FYB1: variants seen among roughly 807,000 people sequenced by gnomAD.
FYB1 encodes the protein FYN binding protein 1, also known as FYN-binding protein 1.
FYB1 carries 41 observed loss-of-function variants against 94.1 expected under a neutral mutation model. The observed-to-expected ratio is 0.44, with a 90% CI of 0.34 to 0.57. The LOEUF is 0.57. Ranked by LOEUF, FYB1 falls within the 20% of genes least tolerant of loss-of-function variation. The pLI is 0.02. For synonymous variants in FYB1, 367 were observed against 353.2 expected (o/e 1.04, Z -0.44); for missense variants, 1,050 against 976.8 (o/e 1.07, Z -1.00).
intron 4 of FYB1, chr5:39,139,934 T>C (rs1742015309): frequency 6.6e-6 from 1 of 152,172 alleles, no homozygotes; most frequent in Admixed American, 6.6e-5. Flanking sequence ...GGATGGATTG[T>C]TTAGAGTACA....
chr5:39,171,517 A>G (rs1391148324), intron 2 of FYB1, among the ~76,000 whole-genome samples: 3 of 152,168 alleles, frequency 2.0e-5, no homozygotes, highest in Non-Finnish European at 4.4e-5. Flanking sequence ...TCTAATGCAC[A>G]CTGAAGTTTG....
chr5:39,122,497 G>A, intron 13 of FYB1, 95 bp from the exon 14 acceptor site: 5 of 737,522 alleles, frequency 6.8e-6, no homozygotes, highest in East Asian at 2.9e-5. Flanking sequence ...ATTGCTTCAA[G>A]GACAATAAAA....
chr5:39,263,650 C>A (rs1478285833), intron 1 of FYB1, among the ~76,000 whole-genome samples: 1 of 152,190 alleles, frequency 6.6e-6, no homozygotes, highest in Non-Finnish European at 1.5e-5. Context: ...GACACCAGTT[C>A]TCAACTGGGG....
rs386403638 is a variant in FYB1, at chr5:39,267,384, T to TCAC, written c.-28+7018_-28+7019insGTG. On this transcript the variant is annotated intron_variant, in intron 1 of 1. Coordinates refer to the FYB1 transcript ENST00000510188. ...ATCATCATCATCATCATCATCATCA[T>TCAC]CATCATCATCATCATCATCACGTCA... Among the ~76,000 whole-genome samples the TCAC allele has an allele frequency of 4.6e-5, 7 of 151,590 alleles. No homozygotes were observed. In the East Asian group the frequency reaches 1.2e-3, roughly 25 times the overall value.
At chr5:39,138,570 A>G (rs1008655218) in intron 6 of FYB1, 87 bp downstream of exon 6, 3 of 700,674 alleles carry the variant, frequency 4.3e-6, no homozygotes, top group Admixed American at 6.1e-5. Flanking sequence ...CTTCCCTCCT[A>G]GTGTTGTTAT....
intron 1 of FYB1, among the ~76,000 whole-genome samples, chr5:39,248,835 T>G (rs1751595045): frequency 6.6e-6 from 1 of 152,112 alleles, no homozygotes; most frequent in Admixed American, 6.6e-5. Context: ...AGACTCTGTC[T>G]CCAGGTAGGG....
chr5:39,160,235 G>A (rs754680222), intron 2 of FYB1, among the ~76,000 whole-genome samples: 22 of 152,166 alleles, frequency 1.4e-4, no homozygotes, highest in Non-Finnish European at 3.1e-4. Flanking sequence ...CTCTGCAGAA[G>A]CATCTGACAC....
Position 39,268,240 on chromosome 5 carries a change from CTTTTTTTT to C in FYB1, c.-28+6155_-28+6162del, listed in dbSNP as rs112656513. Among the ~76,000 whole-genome samples the C allele has an allele frequency of 6.4e-5, 9 of 140,996 alleles. No individual in the cohort carries two copies. In the South Asian group the frequency reaches 9.0e-4, roughly 14 times the overall value. 92.5% of individuals were successfully genotyped at this position (140,996 alleles called of 152,430 possible). On this transcript the variant is annotated intron_variant, in intron 1 of 1. Coordinates refer to the FYB1 transcript ENST00000510188. ...TCTGTATATTTATATTTCTTTTTTT[CTTTTTTTT>C]TTTTTTGAATACAGGGTTGCCTGGG...
intron 13 of FYB1, among the ~76,000 whole-genome samples, chr5:39,123,672 A>C (rs753593577): frequency 2.0e-5 from 3 of 152,174 alleles, no homozygotes; most frequent in Admixed American, 6.6e-5. Flanking sequence ...TATAAGTTAA[A>C]ATAAATAAAC....
At chr5:39,171,416 C>A (rs1332311948) in intron 2 of FYB1, among the ~76,000 whole-genome samples, 1 of 152,150 alleles carries the variant, frequency 6.6e-6, no homozygotes, top group Non-Finnish European at 1.5e-5. Context: ...GCTACAAATG[C>A]AAGTTCTTAG....
Position 39,237,794 on chromosome 5 carries a change from A to G in FYB1, c.-27-34807T>C, listed in dbSNP as rs144288519. On this transcript the variant is annotated intron_variant, in intron 1 of 1. Coordinates refer to the FYB1 transcript ENST00000510188. ...CTGGGAAAACAAGATTGCAACAAGA[A>G]TGAGAGGTTTCTTAGAGATAGAGAT... is the stretch of plus-strand genomic sequence containing the variant. 1.6e-4 allele frequency among the ~76,000 whole-genome samples: 24 copies of G among 152,244 alleles called. No individual in the cohort carries two copies. The East Asian group carries it at 3.9e-3, about 25-fold the overall frequency.
chr5:39,186,371 C>A (rs1401696696), intron 2 of FYB1, among the ~76,000 whole-genome samples: 4 of 152,096 alleles, frequency 2.6e-5, no homozygotes, highest in African/African-American at 9.7e-5. Context: ...TTGCAGTGAG[C>A]CAATATAGTG....
intron 2 of FYB1, among the ~76,000 whole-genome samples, chr5:39,189,157 T>C (rs1480086223): frequency 6.6e-6 from 1 of 151,912 alleles, no homozygotes. Context: ...GGGGTATCCT[T>C]GTAATATTTT....
intron 10 of FYB1, among the ~76,000 whole-genome samples, chr5:39,129,678 C>T (rs1741009798): frequency 6.6e-6 from 1 of 151,946 alleles, no homozygotes; most frequent in South Asian, 2.1e-4. Flanking sequence ...TAGAAGAAGA[C>T]ATACAAATGG....
chr5:39,153,528 TGGTTG>T lies in FYB1; in HGVS notation c.1207_1211del (p.Gln403ThrfsTer21). The T allele has an allele frequency of 6.2e-7, 1 of 1,613,726 alleles. No individual in the cohort carries two copies. On this transcript the variant is annotated frameshift_variant, in exon 3 of 19. Coordinates refer to ENST00000512982, the MANE Select transcript of FYB1 (RefSeq NM_001465.6). LOFTEE classifies it high-confidence loss of function. ...GTGATGGGTGAGATGCTGGCAATGG[TGGTTG>T]GCTGGCCGGATGGGATGGTGGAGGT...
chr5:39,206,982 T>C (rs1275111489), intron 1 of FYB1, among the ~76,000 whole-genome samples: 5 of 152,222 alleles, frequency 3.3e-5, no homozygotes. Context: ...ATTCCAGTTG[T>C]TAGATATTTT....
chr5:39,251,947 A>T (rs1031450854), intron 1 of FYB1, among the ~76,000 whole-genome samples: 2 of 152,110 alleles, frequency 1.3e-5, no homozygotes, highest in Admixed American at 1.3e-4. Flanking sequence ...GATCAAGACC[A>T]TCCTGGCTAA....
intron 1 of FYB1, among the ~76,000 whole-genome samples, chr5:39,230,864 C>T (rs1469717813): frequency 1.3e-5 from 2 of 151,304 alleles, no homozygotes; most frequent in Non-Finnish European, 2.9e-5. Flanking sequence ...CACACACACA[C>T]ACACACACAC....
chr5:39,244,650 T>C (rs1274414184), intron 1 of FYB1, among the ~76,000 whole-genome samples: 1 of 152,200 alleles, frequency 6.6e-6, no homozygotes, highest in Non-Finnish European at 1.5e-5. Flanking sequence ...TGATTCTGGC[T>C]TCATAAAATG....
Sources: gnomAD v4.1 joint callset for allele counts (sites outside exome capture counted in the v4.1 genomes callset) on GRCh38, gnomAD v4.1.1 for gene constraint, MANE v1.5 for transcripts, NCBI Gene and HGNC (gene_info 2026-07-23, HGNC 2026-07-21) for gene names.